VPS8: variants seen among roughly 807,000 people sequenced by gnomAD.
VPS8 encodes VPS8 subunit of CORVET complex.
A neutral mutation model predicts 216.4 loss-of-function variants in VPS8; 129 were observed. The ratio of observed to expected loss-of-function variants is 0.60; its 90% CI spans 0.52 to 0.69. The LOEUF is 0.69. Ranked by LOEUF, VPS8 falls within the 30% of genes least tolerant of loss-of-function variation. VPS8 has a pLI of 0.00. For synonymous variants in VPS8, 571 were observed against 565.4 expected (o/e 1.01, Z -0.14); for missense variants, 1,531 against 1,683.5 (o/e 0.91, Z 1.59).
intron 45 of VPS8, among the ~76,000 whole-genome samples, chr3:185,012,976 A>G (rs1755249854): frequency 6.7e-6 from 1 of 149,094 alleles, no homozygotes; most frequent in Non-Finnish European, 1.5e-5. Context: ...TCCTACGGGA[A>G]ATAACTAAAA....
intron 37 of VPS8, among the ~76,000 whole-genome samples, chr3:184,962,563 G>A (rs1576996270): frequency 1.3e-5 from 2 of 152,004 alleles, no homozygotes; most frequent in East Asian, 1.9e-4. Context: ...TTGAGTTTCT[G>A]TGTTTCTCTT....
At chr3:184,900,189 G>T (rs1734223175) in intron 24 of VPS8, among the ~76,000 whole-genome samples, 1 of 152,184 alleles carries the variant, frequency 6.6e-6, no homozygotes, top group African/African-American at 2.4e-5. Flanking sequence ...ATGGTGGGAG[G>T]TACAGGGAAA....
At chr3:184,953,909 A>C (rs1378823580) in intron 36 of VPS8, among the ~76,000 whole-genome samples, 1 of 152,122 alleles carries the variant, frequency 6.6e-6, no homozygotes, top group Non-Finnish European at 1.5e-5. Context: ...TGGGGAGCTT[A>C]GGATTTTCCT....
intron 40 of VPS8, among the ~76,000 whole-genome samples, chr3:184,979,196 G>T (rs1749789647): frequency 6.6e-6 from 1 of 152,034 alleles, no homozygotes; most frequent in Non-Finnish European, 1.5e-5. Flanking sequence ...TTTTAAATTT[G>T]TTGAGTATTG....
intron 21 of VPS8, chr3:184,882,347 A>G (rs751704821): frequency 2.2e-6 from 1 of 449,662 alleles, no homozygotes; most frequent in South Asian, 1.6e-5. Flanking sequence ...TTTTTTCTTT[A>G]GGCTATTGGC....
At chr3:185,026,239 T>C (rs148976727) in intron 46 of VPS8, among the ~76,000 whole-genome samples, 1,654 of 152,134 alleles carry the variant, frequency 0.011, 30 homozygotes, top group African/African-American at 0.037. Flanking sequence ...ACTATTTACA[T>C]TGTATTGGGT....
chr3:184,819,482 T>C (rs947930538), intron 1 of VPS8, among the ~76,000 whole-genome samples: 1 of 152,236 alleles, frequency 6.6e-6, no homozygotes, highest in Admixed American at 6.5e-5. Flanking sequence ...ATCAACCTTT[T>C]ACTGGGATAA....
intron 28 of VPS8, among the ~76,000 whole-genome samples, chr3:184,917,080 A>G (rs1399812377): frequency 6.6e-6 from 1 of 152,206 alleles, no homozygotes; most frequent in Non-Finnish European, 1.5e-5. Context: ...GGGGAAGTAC[A>G]GGATGCTATA....
intron 21 of VPS8, among the ~76,000 whole-genome samples, chr3:184,872,726 T>C (rs562745875): frequency 6.6e-6 from 1 of 152,098 alleles, no homozygotes; most frequent in African/African-American, 2.4e-5. Flanking sequence ...TTAACAATCA[T>C]AATAATGATG....
In VPS8 at chr3:184,900,907, T is replaced by A; in HGVS notation, c.2095-14T>A. 6.3e-7 allele frequency: 1 copy of A among 1,597,184 alleles called. No homozygotes were observed. On this transcript the variant is annotated splice_polypyrimidine_tract_variant and intron_variant, in intron 24 of 47. Transcript: ENST00000625842. ...GAGATGATGATGATTGTTTTCCTAT[T>A]AATTTTAATGCAGAAACTTTTCAGA...
chr3:184,850,063 T>C, intron 10 of VPS8, 41 bp downstream of exon 10: 1 of 1,503,868 alleles, frequency 6.6e-7, no homozygotes. Flanking sequence ...TTTTTTATTA[T>C]GCCTTTGTGT....
At chr3:184,918,961 T>A (rs898250682) in intron 28 of VPS8, 1 of 152,186 alleles carries the variant, frequency 6.6e-6, no homozygotes, top group Non-Finnish European at 1.5e-5. Context: ...TAAGAGTTCC[T>A]ACAGTCTCCT....
chr3:184,934,211 C>A (rs997052468), intron 34 of VPS8, among the ~76,000 whole-genome samples: 1 of 152,006 alleles, frequency 6.6e-6, no homozygotes, highest in Admixed American at 6.6e-5. Context: ...CACTGTGTCG[C>A]CCAGGCTGGA....
chr3:184,823,441 T>G (rs1197481842), intron 1 of VPS8, among the ~76,000 whole-genome samples: 1 of 152,206 alleles, frequency 6.6e-6, no homozygotes, highest in East Asian at 1.9e-4. Context: ...CAATCTAATT[T>G]ACTAAGAGAA....
intron 25 of VPS8, among the ~76,000 whole-genome samples, chr3:184,903,469 A>T (rs1734934404): frequency 6.6e-6 from 1 of 152,168 alleles, no homozygotes; most frequent in South Asian, 2.1e-4. Context: ...ATTTTATTTT[A>T]GAGACGGAGT....
chr3:184,957,103 T>A (rs1745735859), intron 36 of VPS8, among the ~76,000 whole-genome samples: 4 of 152,224 alleles, frequency 2.6e-5, no homozygotes, highest in Admixed American at 2.6e-4. Context: ...AAAACACAAC[T>A]TTTGGTATGA....
chr3:184,875,008 G>A (rs1468150731), intron 21 of VPS8, among the ~76,000 whole-genome samples: 1 of 146,438 alleles, frequency 6.8e-6, no homozygotes, highest in Non-Finnish European at 1.5e-5. Context: ...ATTATGGAAT[G>A]TATTCAGATA....
chr3:184,916,029 T>C (rs1355418045), intron 28 of VPS8, among the ~76,000 whole-genome samples: 1 of 151,944 alleles, frequency 6.6e-6, no homozygotes, highest in Non-Finnish European at 1.5e-5. Flanking sequence ...TTCTCTCTCT[T>C]CCTTCCTCTC....
intron 46 of VPS8, among the ~76,000 whole-genome samples, chr3:185,039,476 A>C (rs777217999): frequency 6.6e-6 from 1 of 151,872 alleles, no homozygotes; most frequent in Non-Finnish European, 1.5e-5. Flanking sequence ...TACCAAGAAA[A>C]AGGGGCATTG....
Sources: gnomAD v4.1 joint callset for allele counts (sites outside exome capture counted in the v4.1 genomes callset) on GRCh38, gnomAD v4.1.1 for gene constraint, MANE v1.5 for transcripts, NCBI Gene and HGNC (gene_info 2026-07-23, HGNC 2026-07-21) for gene names.